The following DCC variants were observed in gnomAD, a reference collection of about 807,000 sequenced individuals.
DCC encodes DCC netrin 1 receptor, also known as netrin receptor DCC.
Under a neutral mutation model 172.5 loss-of-function variants are expected in DCC, and 58 were observed. The ratio of observed to expected loss-of-function variants is 0.34; its 90% confidence interval spans 0.27 to 0.42. The LOEUF (loss-of-function observed/expected upper bound fraction) is 0.42, where lower values mean the gene tolerates loss of function less well. Among genes scored for constraint, DCC ranks in the 10% least tolerant of loss-of-function variants. The probability of loss-of-function intolerance (pLI) is 1.00; values close to 1 mark genes in which losing one functional copy is unlikely to be tolerated. For missense variants in DCC, 1,740 were observed against 1,791.0 expected (o/e 0.97, Z 0.51); for synonymous variants, 709 against 644.5 (o/e 1.10, Z -1.52).
At chr18:53,051,393 G>C (rs1416344643) in intron 5 of DCC, among the ~76,000 whole-genome samples, 2 of 151,880 alleles carry the variant, frequency 1.3e-5, no homozygotes, top group African/African-American at 4.8e-5. Context: ...ACCCTGTTCA[G>C]GTTTATAATG....
intron 7 of DCC, among the ~76,000 whole-genome samples, chr18:53,136,883 T>A (rs908859821): frequency 6.6e-6 from 1 of 152,220 alleles, no homozygotes. Flanking sequence ...TTTCTACATA[T>A]GGCAGGAACT....
intron 1 of DCC, among the ~76,000 whole-genome samples, chr18:52,355,169 G>A (rs978548821): frequency 1.3e-5 from 2 of 151,700 alleles, no homozygotes; most frequent in Admixed American, 6.6e-5. Flanking sequence ...TGTTATTTTT[G>A]TAGAAATCAG....
chr18:53,022,986 A>G (rs34245999), intron 5 of DCC, among the ~76,000 whole-genome samples: 22,705 of 152,042 alleles, frequency 0.15, 1,962 homozygotes, highest in African/African-American at 0.25. Context: ...ATACCACACA[A>G]ATAGGTTAAC....
chr18:52,963,425 C>T (rs1217464525), intron 5 of DCC, among the ~76,000 whole-genome samples: 1 of 151,856 alleles, frequency 6.6e-6, no homozygotes, highest in Non-Finnish European at 1.5e-5. Flanking sequence ...ATAAATGATA[C>T]TTCTAAAGCA....
chr18:52,442,797 C>T (rs1988008098), intron 1 of DCC, among the ~76,000 whole-genome samples: 1 of 152,176 alleles, frequency 6.6e-6, no homozygotes, highest in Admixed American at 6.5e-5. Context: ...CAGATGCTTT[C>T]CCTACTGTGC....
chr18:53,224,485 C>A (rs1598922285), intron 12 of DCC, among the ~76,000 whole-genome samples: 1 of 152,094 alleles, frequency 6.6e-6, no homozygotes, highest in Non-Finnish European at 1.5e-5. Flanking sequence ...ATCAGATTCA[C>A]CTTTTTTAAG....
rs552261272 is a variant in DCC, at chr18:52,676,978, T to C, written c.92-75076T>C. 2.0e-3 allele frequency among the ~76,000 whole-genome samples: 311 copies of C among 152,252 alleles called. 1 individual carries two copies. The highest frequency in any genetic ancestry group is 4.6e-3 in the South Asian group (22 of 4,818). On this transcript the variant is annotated intron_variant, in intron 1 of 28. Coordinates refer to ENST00000442544, the MANE Select transcript of DCC (RefSeq NM_005215.4). ...GCATTTTTGATATCTTTGTTTTTTTTCCCCCAAACTACTTCCTGTAGAAAC... is the reference window on the plus strand; with the variant it reads ...GCATTTTTGATATCTTTGTTTTTTTCCCCCCAAACTACTTCCTGTAGAAAC...
intron 17 of DCC, among the ~76,000 whole-genome samples, chr18:53,392,400 T>C (rs1362616397): frequency 1.3e-5 from 2 of 152,104 alleles, no homozygotes; most frequent in Non-Finnish European, 2.9e-5. Flanking sequence ...AAACACACTA[T>C]TATGGTAAAG....
intron 2 of DCC, among the ~76,000 whole-genome samples, chr18:52,904,689 TAAAATAAAAATCACA>T (rs2039855624): frequency 1.3e-5 from 2 of 152,228 alleles, no homozygotes; most frequent in South Asian, 4.1e-4. Flanking sequence ...CTTAAATCTA[TAAAATAAAAATCACA>T]GTAACATAAA....
chr18:53,211,677 T>A (rs1412382564), intron 11 of DCC, among the ~76,000 whole-genome samples: 1 of 151,952 alleles, frequency 6.6e-6, no homozygotes, highest in African/African-American at 2.4e-5. Flanking sequence ...TGAGCCGAGA[T>A]CGTGCCTCTG....
rs556453809 is a variant in DCC at position 53,286,460 on chromosome 18, C to T, written c.1912-19118C>T. Among the ~76,000 whole-genome samples, 4 of 152,258 alleles carry T rather than the reference C, an allele frequency of 2.6e-5. No individual in the cohort carries two copies. The South Asian group carries it at 8.3e-4, about 32-fold the overall frequency. The stretch of plus-strand genomic sequence containing the variant: ...TCACCTTCCACCATGATTGTGAGGC[C>T]TTCTAGTGACTTGGAACTGTAAGTC... On this transcript the variant is annotated intron_variant, in intron 12 of 28. Coordinates refer to ENST00000442544, the MANE Select transcript of DCC (RefSeq NM_005215.4).
intron 1 of DCC, among the ~76,000 whole-genome samples, chr18:52,576,270 A>T (rs2033409330): frequency 6.6e-6 from 1 of 152,218 alleles, no homozygotes. Flanking sequence ...TGAAACTGGG[A>T]ATGGCTCTGT....
chr18:53,148,895 G>C (rs532453984), intron 7 of DCC, among the ~76,000 whole-genome samples: 1 of 91,216 alleles, frequency 1.1e-5, no homozygotes, highest in African/African-American at 5.2e-5. Flanking sequence ...ACAAAGTCTC[G>C]CTCTGTTGCC....
At chr18:52,463,003 G>T (rs546804438) in intron 1 of DCC, among the ~76,000 whole-genome samples, 81 of 152,284 alleles carry the variant, frequency 5.3e-4, no homozygotes, top group Admixed American at 9.8e-4. Context: ...GGAAACCCAG[G>T]CCTGTCCACT....
rs1568074615 is a variant in DCC, at chr18:53,351,319, T to TATATATATATATA, written c.2359+11412_2359+11413insATATATATATATA. Among the ~76,000 whole-genome samples, 82 of 22,218 alleles carry TATATATATATATA rather than the reference T, an allele frequency of 3.7e-3. 1 individual carries two copies. The highest frequency in any genetic ancestry group is 7.5e-3 in the Non-Finnish European group (78 of 10,354). 14.6% of individuals were successfully genotyped at this position (22,218 alleles called of 152,430 possible). A position where few individuals can be genotyped will look rare whatever the true frequency, so the allele number is the denominator to read the frequency against. ...TATATATATATATATATATATACAC[T>TATATATATATATA]GTATATATATATACAGTGTATATAT... On this transcript the variant is annotated intron_variant, in intron 15 of 28. Coordinates refer to ENST00000442544, the MANE Select transcript of DCC (RefSeq NM_005215.4).
At chr18:52,517,899 A>T (rs2031690869) in intron 1 of DCC, among the ~76,000 whole-genome samples, 1 of 152,142 alleles carries the variant, frequency 6.6e-6, no homozygotes, top group Non-Finnish European at 1.5e-5. Context: ...CTTGTAGTTC[A>T]TTCATTCTCA....
At chr18:52,989,818 G>A (rs1008201837) in intron 5 of DCC, among the ~76,000 whole-genome samples, 5 of 152,102 alleles carry the variant, frequency 3.3e-5, no homozygotes, top group Non-Finnish European at 7.4e-5. Flanking sequence ...GACTGGAGTA[G>A]CAGAAAGCAA....
At chr18:52,844,649 C>CA (rs975453802) in intron 2 of DCC, among the ~76,000 whole-genome samples, 2 of 151,866 alleles carry the variant, frequency 1.3e-5, no homozygotes, top group African/African-American at 2.4e-5. Context: ...CTGTGAGTTA[C>CA]AAAAAAAGAA....
intron 5 of DCC, among the ~76,000 whole-genome samples, chr18:53,060,183 G>A (rs1230559117): frequency 7.5e-6 from 1 of 133,388 alleles, no homozygotes; most frequent in East Asian, 1.9e-4. Flanking sequence ...TTTATTTGTT[G>A]CTGTTGTTGT....
Sources: allele counts gnomAD v4.1 joint callset (sites outside exome capture counted in the v4.1 genomes callset), GRCh38; gene constraint gnomAD v4.1.1; transcripts MANE v1.5; gene names NCBI Gene and HGNC (gene_info 2026-07-23, HGNC 2026-07-21).